Variants in ZNF280B observed in about 807,000 individuals in gnomAD.
The protein encoded by ZNF280B is suppressor of hairy wing homolog 2.
A neutral mutation model predicts 38.0 loss-of-function variants in ZNF280B; 16 were observed. The observed-to-expected ratio is 0.42, with a 90% CI of 0.28 to 0.64. ZNF280B has a LOEUF of 0.64. Among genes scored for constraint, ZNF280B ranks in the 30% least tolerant of loss-of-function variants. The pLI, the probability that ZNF280B is intolerant of heterozygous loss-of-function variation, is 0.21. For missense variants in ZNF280B, 581 were observed against 639.6 expected (o/e 0.91, Z 0.99); for synonymous variants, 253 against 230.6 (o/e 1.10, Z -0.88).
intron 2 of ZNF280B, among the ~76,000 whole-genome samples, chr22:22,504,412 G>C (rs2061890820): frequency 7.0e-6 from 1 of 142,016 alleles, no homozygotes; most frequent in African/African-American, 2.7e-5. Context: ...GGACAACACA[G>C]CAAGACTCCG....
intron 2 of ZNF280B, among the ~76,000 whole-genome samples, chr22:22,506,120 A>G (rs1352830896): frequency 6.6e-6 from 1 of 151,948 alleles, no homozygotes; most frequent in Non-Finnish European, 1.5e-5. Flanking sequence ...AATGCTGAGC[A>G]GGTAAATCTA....
intron 2 of ZNF280B, among the ~76,000 whole-genome samples, chr22:22,500,218 C>T (rs2061788475): frequency 6.6e-6 from 1 of 151,880 alleles, no homozygotes; most frequent in African/African-American, 2.4e-5. Context: ...TATGTTCTAG[C>T]AATCTTACTT....
chr22:22,487,873 G>A lies in ZNF280B; in HGVS notation c.1526C>T (p.Pro509Leu), dbSNP rs781001526. ...TACATCCACTGATCCTGGCTGAAGA[G>A]GTTCCAGCGACACTTGAATAGTAAC... ...TKVTIQVSLE[P>L]LQPGSVDVAS... is the part of the protein sequence containing the mutation. Residue 509 changes from proline (P) to leucine (L), a missense_variant, in exon 4 of 4, where the codon CCT becomes CTT. Transcript: ENST00000626650. 1.2e-6 allele frequency: 2 copies of A among 1,613,804 alleles called. No homozygotes were observed. The highest frequency in any genetic ancestry group is 1.3e-5 in the African/African-American group (1 of 74,960).
At chr22:22,505,169 GC>G (rs1333100024) in intron 2 of ZNF280B, among the ~76,000 whole-genome samples, 2 of 151,904 alleles carry the variant, frequency 1.3e-5, no homozygotes, top group African/African-American at 4.8e-5. Context: ...TGATCAATAG[GC>G]TAACACAGGT....
chr22:22,493,138 G>A (rs888056301), intron 3 of ZNF280B, among the ~76,000 whole-genome samples: 2 of 151,718 alleles, frequency 1.3e-5, no homozygotes, highest in African/African-American at 4.8e-5. Flanking sequence ...AGCCTCCCGT[G>A]TAGCTGGGAT....
intron 3 of ZNF280B, among the ~76,000 whole-genome samples, chr22:22,491,450 CT>C (rs55862603): frequency 0.26 from 35,243 of 136,720 alleles, 5,983 homozygotes; most frequent in African/African-American, 0.48. Context: ...TTTTTCTTGT[CT>C]TTTTTCTTTT....
rs1379435590 is a variant in ZNF280B at position 22,485,489 on chromosome 22, G to A, written c.*2278C>T. 6.6e-6 allele frequency: 1 copy of A among 151,906 alleles called. No individual in the cohort carries two copies. Among genetic ancestry groups the A allele is most frequent in the Non-Finnish European group, 1.5e-5 (1 of 68,012 alleles). 9.4% of individuals were successfully genotyped at this position (151,906 alleles called of 1,614,324 possible). A position where few individuals can be genotyped will look rare whatever the true frequency, so the allele number is the denominator to read the frequency against. On this transcript the variant is annotated 3_prime_UTR_variant, in exon 4 of 4. Transcript: ENST00000626650. The stretch of plus-strand genomic sequence containing the variant: ...AACGTAACTGAAAAGACCTAGTATA[G>A]TGTTCAAGGTGCAAATCAATCAAAT...
At chr22:22,497,926 T>C (rs2061734070) in intron 2 of ZNF280B, among the ~76,000 whole-genome samples, 1 of 151,816 alleles carries the variant, frequency 6.6e-6, no homozygotes, top group African/African-American at 2.4e-5. Flanking sequence ...TAGCAACAAC[T>C]CATAATAATC....
intron 2 of ZNF280B, among the ~76,000 whole-genome samples, chr22:22,495,853 G>A (rs894101047): frequency 6.6e-6 from 1 of 151,288 alleles, no homozygotes; most frequent in Non-Finnish European, 1.5e-5. Context: ...GAGTGCAGTG[G>A]CACAGTCTTG....
chr22:22,489,385 CAT>C lies in ZNF280B; in HGVS notation c.12_13del (p.Cys5Ter). The C allele has an allele frequency of 6.3e-7, 1 of 1,587,578 alleles. No homozygotes were observed. The highest frequency in any genetic ancestry group is 8.5e-7 in the Non-Finnish European group (1 of 1,170,700). ...TGGTTCAGGCTCTTTCTCTTCCTCA[CAT>C]GATTGTTCCATTTTCTAATTTTTTT... On this transcript the variant is annotated frameshift_variant, in exon 4 of 4. Coordinates refer to ENST00000626650, the MANE Select transcript of ZNF280B (RefSeq NM_080764.4). LOFTEE classifies it high-confidence loss of function.
intron 2 of ZNF280B, among the ~76,000 whole-genome samples, chr22:22,494,893 A>G (rs2061664020): frequency 6.6e-6 from 1 of 151,648 alleles, no homozygotes; most frequent in Non-Finnish European, 1.5e-5. Context: ...ACGCCTGGCT[A>G]ATTTTTGTAT....
intron 3 of ZNF280B, among the ~76,000 whole-genome samples, chr22:22,490,590 C>A (rs1002777348): frequency 6.6e-6 from 1 of 151,900 alleles, no homozygotes; most frequent in African/African-American, 2.4e-5. Context: ...GCCTCAGCCT[C>A]CTGAGTAGCT....
At position 22,486,243 on chromosome 22, in the gene ZNF280B, A is replaced by G. The variant is rs2061499947; in HGVS notation, c.*1524T>C. 1 of 152,098 alleles carries G rather than the reference A, an allele frequency of 6.6e-6. No homozygotes were observed. The highest frequency in any genetic ancestry group is 2.1e-4 in the South Asian group (1 of 4,824). The allele number at this position is 152,098 out of a possible 1,614,324, so 9.4% of individuals were successfully genotyped here. ...GCTTCACATGTTCAATTAGGGTAAG[A>G]TATATATGCACAGAAAAATATAAAG... On this transcript the variant is annotated 3_prime_UTR_variant, in exon 4 of 4. Transcript: ENST00000626650.
chr22:22,496,133 G>C (rs1294632629), intron 2 of ZNF280B, among the ~76,000 whole-genome samples: 1 of 120,944 alleles, frequency 8.3e-6, no homozygotes, highest in Non-Finnish European at 1.7e-5. Flanking sequence ...TTTTAAGATG[G>C]AGTCTCGCTG....
At position 22,488,815 on chromosome 22, in the gene ZNF280B, A is replaced by G; in HGVS notation, c.584T>C (p.Ile195Thr). 5 of 1,613,868 alleles carry G rather than the reference A, an allele frequency of 3.1e-6. No homozygotes were observed. The highest frequency in any genetic ancestry group is 1.7e-4 in the Middle Eastern group (1 of 6,052). ...GAATGAAGCTGAAGAATTTCCTTCT[A>G]TAATTCCATCCCTGAGTTTAGCCCT... is the stretch of plus-strand genomic sequence containing the variant. ...PKRAKLRDGI[I>T]EGNSSASFPS... is the part of the protein sequence containing the mutation. The change falls in exon 4 of 4, where the codon ATA becomes ACA. Residue 195 changes from isoleucine (I) to threonine (T), a missense_variant. Physicochemically the swap from Ile to Thr is moderately conservative, Grantham distance 89. Coordinates refer to ENST00000626650, the MANE Select transcript of ZNF280B (RefSeq NM_080764.4).
rs1601714309 is a variant in ZNF280B at position 22,495,963 on chromosome 22, G to A, written c.-186-1783C>T. Among the ~76,000 whole-genome samples, 5 of 151,506 alleles carry A rather than the reference G, an allele frequency of 3.3e-5. No individual in the cohort carries two copies. The East Asian group carries it at 6.0e-4, about 18-fold the overall frequency. On this transcript the variant is annotated intron_variant, in intron 2 of 3. Transcript: ENST00000626650. ...TGGGATTACAGGCGCCCACCACCAT[G>A]CCTGGCGAATTTTTGTATTTTTAGT... is the stretch of plus-strand genomic sequence containing the variant.
At chr22:22,493,157 C>T (rs979272969) in intron 3 of ZNF280B, among the ~76,000 whole-genome samples, 4 of 151,534 alleles carry the variant, frequency 2.6e-5, no homozygotes, top group East Asian at 2.0e-4. Flanking sequence ...ATTACAGGTG[C>T]GCCACCACGC....
rs926530121 is a variant in ZNF280B, at chr22:22,486,095, C to T, written c.*1672G>A. ...TTGAATTAGAGAGACATTTCTTGCA[C>T]ACTGGTGTGTGTCAGGTAAGACCCA... On this transcript the variant is annotated 3_prime_UTR_variant, in exon 4 of 4. Transcript: ENST00000626650. 4 of 152,004 alleles carry T rather than the reference C, an allele frequency of 2.6e-5. No homozygotes were observed. The South Asian group carries it at 8.3e-4, about 32-fold the overall frequency. 9.4% of individuals were successfully genotyped at this position (152,004 alleles called of 1,614,324 possible). A position where few individuals can be genotyped will look rare whatever the true frequency, so the allele number is the denominator to read the frequency against.
At chr22:22,501,038 A>C (rs1445973208) in intron 2 of ZNF280B, among the ~76,000 whole-genome samples, 7 of 150,660 alleles carry the variant, frequency 4.6e-5, no homozygotes, top group African/African-American at 1.2e-4. Context: ...AAAAAAAAAA[A>C]AAACAAAAAA....
Sources: allele counts gnomAD v4.1 joint callset (sites outside exome capture counted in the v4.1 genomes callset), GRCh38; gene constraint gnomAD v4.1.1; transcripts MANE v1.5; gene names NCBI Gene and HGNC (gene_info 2026-07-23, HGNC 2026-07-21).